NFAT5: variants seen among roughly 807,000 people sequenced by gnomAD.
NFAT5 encodes nuclear factor of activated T-cells 5.
A neutral mutation model predicts 166.5 loss-of-function variants in NFAT5; 31 were observed. The observed-to-expected ratio is 0.19, with a 90% CI of 0.14 to 0.25. The LOEUF (loss-of-function observed/expected upper bound fraction) is 0.25, where lower values mean the gene tolerates loss of function less well. Ranked by LOEUF, NFAT5 falls within the 10% of genes least tolerant of loss-of-function variation. The probability of loss-of-function intolerance (pLI) is 1.00; values close to 1 mark genes in which losing one functional copy is unlikely to be tolerated. For synonymous variants in NFAT5, 612 were observed against 639.7 expected, an observed-to-expected ratio of 0.96 and a Z score of 0.65; for missense variants, 1,449 against 1,821.8, an observed-to-expected ratio of 0.80 and a Z score of 3.72.
rs2037922028 is a variant in NFAT5 at position 69,702,859 on chromosome 16, A to C, written c.*6508A>C. The C allele has an allele frequency of 6.6e-6, 1 of 152,656 alleles. No homozygotes were observed. The highest frequency in any genetic ancestry group is 2.4e-5 in the African/African-American group (1 of 41,456). The allele number at this position is 152,656 out of a possible 1,614,324, so 9.5% of individuals were successfully genotyped here. ...TTAATTCTCAGTACTGCCTATAGAG[A>C]TACAGTGTATTTTATGTACATACAC... On this transcript the variant is annotated 3_prime_UTR_variant, in exon 15 of 15. Transcript: ENST00000349945.
intron 2 of NFAT5, among the ~76,000 whole-genome samples, chr16:69,617,406 A>G (rs1444577124): frequency 6.6e-6 from 1 of 152,190 alleles, no homozygotes; most frequent in Non-Finnish European, 1.5e-5. Context: ...TAACAAAGAA[A>G]TTTAAAATAT....
At chr16:69,600,760 G>GA (rs34206965) in intron 2 of NFAT5, among the ~76,000 whole-genome samples, 70,854 of 101,302 alleles carry the variant, frequency 0.7, 24,983 homozygotes, top group East Asian at 0.76. Context: ...GGAATACTTT[G>GA]AAAAAAAAAA....
At chr16:69,673,465 A>G (rs1033270694) in intron 9 of NFAT5, among the ~76,000 whole-genome samples, 1 of 152,136 alleles carries the variant, frequency 6.6e-6, no homozygotes, top group Non-Finnish European at 1.5e-5. Context: ...ACTCATACCT[A>G]TAATCCCAGC....
rs564443334 is a variant in NFAT5 at position 69,696,750 on chromosome 16, G to C, written c.*399G>C. On this transcript the variant is annotated 3_prime_UTR_variant, in exon 15 of 15. Transcript: ENST00000349945. ...TCTTCATTATTTTCTTTCCTGCATT[G>C]TTTTAGTCAAGTAATGGCTTTTGAA... 1.3e-5 allele frequency: 2 copies of C among 152,560 alleles called. No individual in the cohort carries two copies. Among genetic ancestry groups the C allele is most frequent in the South Asian group, 4.2e-4 (2 of 4,818 alleles). The allele number at this position is 152,560 out of a possible 1,614,324, so 9.5% of individuals were successfully genotyped here.
chr16:69,615,845 A>G (rs1295572676), intron 2 of NFAT5, among the ~76,000 whole-genome samples: 2 of 151,956 alleles, frequency 1.3e-5, no homozygotes, highest in Admixed American at 1.3e-4. Context: ...TTAATACCCT[A>G]ATTACCCAAC....
intron 2 of NFAT5, among the ~76,000 whole-genome samples, chr16:69,606,878 G>A (rs2033439875): frequency 1.3e-5 from 2 of 152,102 alleles, no homozygotes; most frequent in Admixed American, 1.3e-4. Flanking sequence ...CAAAAGGAAA[G>A]CTGTGTATTG....
At chr16:69,590,202 C>T (rs2032375324) in intron 2 of NFAT5, among the ~76,000 whole-genome samples, 1 of 152,070 alleles carries the variant, frequency 6.6e-6, no homozygotes, top group South Asian at 2.1e-4. Flanking sequence ...TAAAGCTCTG[C>T]ATTTTGGCAG....
intron 2 of NFAT5, among the ~76,000 whole-genome samples, chr16:69,588,144 G>C (rs1272088026): frequency 6.6e-6 from 1 of 151,724 alleles, no homozygotes; most frequent in African/African-American, 2.4e-5. Flanking sequence ...GTAGACACAG[G>C]TTTCACCATG....
intron 2 of NFAT5, among the ~76,000 whole-genome samples, chr16:69,592,496 G>C (rs1372900882): frequency 6.6e-6 from 1 of 152,060 alleles, no homozygotes; most frequent in Non-Finnish European, 1.5e-5. Flanking sequence ...ATTGTGAGGA[G>C]AAAAATAAAT....
chr16:69,669,149 C>T (rs897608848), intron 7 of NFAT5, among the ~76,000 whole-genome samples: 2 of 152,180 alleles, frequency 1.3e-5, no homozygotes, highest in African/African-American at 4.8e-5. Context: ...TCAACCTTAG[C>T]CTCCCAAAGT....
chr16:69,677,603 T>A (rs2036881009), intron 10 of NFAT5, among the ~76,000 whole-genome samples: 1 of 152,206 alleles, frequency 6.6e-6, no homozygotes, highest in South Asian at 2.1e-4. Flanking sequence ...ATCTGACAGG[T>A]TACTCCTCCA....
chr16:69,637,984 G>A (rs1319352908), intron 3 of NFAT5, among the ~76,000 whole-genome samples: 1 of 152,070 alleles, frequency 6.6e-6, no homozygotes, highest in African/African-American at 2.4e-5. Context: ...ATTTTGGGAG[G>A]CTGAGGCTGG....
intron 2 of NFAT5, among the ~76,000 whole-genome samples, chr16:69,589,454 T>C (rs1215924252): frequency 2.0e-5 from 3 of 152,184 alleles, no homozygotes; most frequent in Admixed American, 6.5e-5. Flanking sequence ...GGATGTGCTA[T>C]ATAATAAGAC....
Position 69,699,140 on chromosome 16 carries a change from G to A in NFAT5, c.*2789G>A, listed in dbSNP as rs2037849302. 6.5e-6 allele frequency: 1 copy of A among 152,772 alleles called. No homozygotes were observed. The highest frequency in any genetic ancestry group is 2.4e-5 in the African/African-American group (1 of 41,432). The allele number at this position is 152,772 out of a possible 1,614,324, so 9.5% of individuals were successfully genotyped here. ...GAATTTTCTGAACTTTTTTCTAAGA[G>A]ATTACATAGGAGACTAAAGAAATCT... On this transcript the variant is annotated 3_prime_UTR_variant, in exon 15 of 15. Transcript: ENST00000349945.
chr16:69,684,873 C>A lies in NFAT5; in HGVS notation c.1691-14C>A, dbSNP rs745588014. 2.5e-6 allele frequency: 4 copies of A among 1,569,650 alleles called. No homozygotes were observed. Among genetic ancestry groups the A allele is most frequent in the African/African-American group, 2.7e-5 (2 of 73,166 alleles). ...AGTAAATGTAGATAAATACATTAAT[C>A]TTTTTTTTAATAGCAGCAGCTGGTG... On this transcript the variant is annotated splice_polypyrimidine_tract_variant and intron_variant, in intron 10 of 14. Transcript: ENST00000349945.
chr16:69,669,181 C>T (rs1398195935), intron 7 of NFAT5, among the ~76,000 whole-genome samples: 1 of 152,154 alleles, frequency 6.6e-6, no homozygotes, highest in Non-Finnish European at 1.5e-5. Context: ...AGGTGTGAAC[C>T]ACTGCACCCA....
Position 69,630,566 on chromosome 16 carries a change from A to G in NFAT5, c.253+4038A>G, listed in dbSNP as rs530284181. 6.6e-5 allele frequency among the ~76,000 whole-genome samples: 10 copies of G among 152,376 alleles called. No individual in the cohort carries two copies. In the South Asian group the frequency reaches 2.1e-3, roughly 32 times the overall value. On this transcript the variant is annotated intron_variant, in intron 3 of 14. Transcript: ENST00000349945. ...ATCAATGAATGAAAGCTTTAAAAAT[A>G]TAAACTTTCTGAACCATTTTGTAAG...
chr16:69,690,250 G>A (rs2037495012), intron 11 of NFAT5, among the ~76,000 whole-genome samples: 1 of 152,104 alleles, frequency 6.6e-6, no homozygotes, highest in Admixed American at 6.5e-5. Flanking sequence ...GTAGTAGGAG[G>A]TGGGAAATAA....
At chr16:69,679,785 G>T (rs2036980121) in intron 10 of NFAT5, among the ~76,000 whole-genome samples, 1 of 152,040 alleles carries the variant, frequency 6.6e-6, no homozygotes, top group Non-Finnish European at 1.5e-5. Flanking sequence ...TCCTTTCTAG[G>T]AAGGCTTAAA....
Sources: gnomAD v4.1 joint callset for allele counts (sites outside exome capture counted in the v4.1 genomes callset) on GRCh38, gnomAD v4.1.1 for gene constraint, MANE v1.5 for transcripts, NCBI Gene and HGNC (gene_info 2026-07-23, HGNC 2026-07-21) for gene names.